Variants in CADM2 observed in about 807,000 individuals in gnomAD.
The protein encoded by CADM2 is immunoglobulin superfamily member 4D.
A neutral mutation model predicts 49.8 loss-of-function variants in CADM2; 12 were observed. That is an observed-to-expected ratio of 0.24 (90% CI 0.15 to 0.39). The LOEUF is 0.39. Among genes scored for constraint, CADM2 ranks in the 10% least tolerant of loss-of-function variants. The pLI is 1.00. For missense variants in CADM2, 378 were observed against 492.3 expected (o/e 0.77, Z 2.20); for synonymous variants, 214 against 175.4 (o/e 1.22, Z -1.74).
chr3:84,986,757 A>G lies in CADM2; in HGVS notation c.61+27089A>G, dbSNP rs570008829. Among the ~76,000 whole-genome samples, 13 of 138,198 alleles carry G rather than the reference A, an allele frequency of 9.4e-5. 1 individual carries two copies. The South Asian group carries it at 3.1e-3, about 33-fold the overall frequency. 90.7% of individuals were successfully genotyped at this position (138,198 alleles called of 152,430 possible). On this transcript the variant is annotated intron_variant, in intron 1 of 9. Transcript: ENST00000383699. The stretch of plus-strand genomic sequence containing the variant: ...ACCCTAAAACTTAAAGTATAATAAT[A>G]ATAAAATAAAAAAAAAAGAAGCATA...
At chr3:86,063,869 GA>G (rs1375929440) in intron 8 of CADM2, among the ~76,000 whole-genome samples, 4 of 152,010 alleles carry the variant, frequency 2.6e-5, no homozygotes, top group Non-Finnish European at 5.9e-5. Context: ...CCGCAACAAT[GA>G]ACCTGGGAGA....
chr3:85,604,808 C>T (rs941822395), intron 1 of CADM2, among the ~76,000 whole-genome samples: 1 of 151,918 alleles, frequency 6.6e-6, no homozygotes, highest in African/African-American at 2.4e-5. Context: ...TGATAGAGGG[C>T]TTAGGGGGAA....
At chr3:85,450,069 G>T (rs1353994539) in intron 1 of CADM2, among the ~76,000 whole-genome samples, 2 of 152,130 alleles carry the variant, frequency 1.3e-5, no homozygotes, top group Non-Finnish European at 2.9e-5. Context: ...CAAAATAAAT[G>T]AGCTGCTTTC....
intron 1 of CADM2, among the ~76,000 whole-genome samples, chr3:85,469,692 T>A (rs919874): frequency 0.08 from 12,219 of 152,172 alleles, 948 homozygotes; most frequent in African/African-American, 0.18. Flanking sequence ...TTATAGGGTA[T>A]CATGCATTAT....
chr3:85,875,295 T>C (rs1711664054), intron 3 of CADM2, among the ~76,000 whole-genome samples: 1 of 152,178 alleles, frequency 6.6e-6, no homozygotes, highest in Admixed American at 6.6e-5. Context: ...CTGATTTTAA[T>C]ATATCCAATA....
At chr3:85,447,836 C>T (rs576391496) in intron 1 of CADM2, among the ~76,000 whole-genome samples, 2 of 152,176 alleles carry the variant, frequency 1.3e-5, no homozygotes, top group East Asian at 3.9e-4. Flanking sequence ...CTGGCCAATG[C>T]TAAAATGTAG....
chr3:85,163,247 G>A (rs2107671383), intron 1 of CADM2, among the ~76,000 whole-genome samples: 1 of 152,164 alleles, frequency 6.6e-6, no homozygotes, highest in South Asian at 2.1e-4. Flanking sequence ...AAGCCTACTA[G>A]CAGGTTATTT....
At chr3:85,637,611 A>ATAAAATAAAATAAAAT (rs1553753395) in intron 1 of CADM2, among the ~76,000 whole-genome samples, 2 of 67,512 alleles carry the variant, frequency 3.0e-5, no homozygotes, top group Non-Finnish European at 6.5e-5. Flanking sequence ...TCCGTCTCAA[A>ATAAAATAAAATAAAAT]AAAAAAAAAA....
At position 86,006,029 on chromosome 3, in the gene CADM2, T is replaced by C. The variant is rs537196278; in HGVS notation, c.970+44382T>C. On this transcript the variant is annotated intron_variant, in intron 8 of 9. Transcript: ENST00000383699. The stretch of plus-strand genomic sequence containing the variant: ...ATAATGATCTCCAGTTCCATCCATG[T>C]TGTTGCAAATGACTGGATCTCATTA... Among the ~76,000 whole-genome samples the C allele has an allele frequency of 2.2e-3, 331 of 152,328 alleles. 1 individual carries two copies. The highest frequency in any genetic ancestry group is 7.6e-3 in the African/African-American group (316 of 41,568).
At chr3:85,387,356 T>C (rs961297290) in intron 1 of CADM2, among the ~76,000 whole-genome samples, 5 of 152,072 alleles carry the variant, frequency 3.3e-5, no homozygotes, top group African/African-American at 4.8e-5. Flanking sequence ...ATACATCTCA[T>C]TAATTCTGTT....
chr3:85,024,666 C>A (rs1576058655), intron 1 of CADM2, among the ~76,000 whole-genome samples: 1 of 146,804 alleles, frequency 6.8e-6, no homozygotes. Flanking sequence ...TATAGTTTTT[C>A]TTTTTTTTTT....
At chr3:85,453,807 T>C (rs770766235) in intron 1 of CADM2, among the ~76,000 whole-genome samples, 1 of 152,176 alleles carries the variant, frequency 6.6e-6, no homozygotes, top group African/African-American at 2.4e-5. Flanking sequence ...TTTTGGAATA[T>C]ATAAAAACTA....
intron 1 of CADM2, among the ~76,000 whole-genome samples, chr3:85,341,923 T>C (rs532754217): frequency 6.6e-6 from 1 of 152,110 alleles, no homozygotes; most frequent in Non-Finnish European, 1.5e-5. Context: ...AAAAAGAAAA[T>C]GGGCAATACC....
intron 1 of CADM2, among the ~76,000 whole-genome samples, chr3:85,141,995 T>C (rs1038407134): frequency 6.6e-6 from 1 of 152,220 alleles, no homozygotes; most frequent in African/African-American, 2.4e-5. Context: ...CTTCACCATG[T>C]GTGGTTTCAA....
chr3:85,527,872 G>C (rs2061203596), intron 1 of CADM2, among the ~76,000 whole-genome samples: 2 of 152,140 alleles, frequency 1.3e-5, no homozygotes, highest in Non-Finnish European at 2.9e-5. Flanking sequence ...TTTCTCCAAA[G>C]AGTAGTATTT....
chr3:85,835,551 C>A (rs1298689914), intron 3 of CADM2, among the ~76,000 whole-genome samples: 1 of 150,912 alleles, frequency 6.6e-6, no homozygotes, highest in Non-Finnish European at 1.5e-5. Context: ...CTTTAGAGAA[C>A]TGTAATGCCT....
At chr3:85,558,214 A>T (rs760040238) in intron 1 of CADM2, among the ~76,000 whole-genome samples, 1 of 151,980 alleles carries the variant, frequency 6.6e-6, no homozygotes, top group Non-Finnish European at 1.5e-5. Context: ...TGCTCATTAG[A>T]TAGAATAAAA....
intron 6 of CADM2, among the ~76,000 whole-genome samples, 195 bp from the exon 7 acceptor site, chr3:85,935,572 G>C (rs1721105959): frequency 6.6e-6 from 1 of 151,910 alleles, no homozygotes; most frequent in African/African-American, 2.4e-5. Context: ...AGATATTTTT[G>C]TTAGCTTTGC....
At chr3:85,922,505 G>A (rs963771386) in intron 6 of CADM2, among the ~76,000 whole-genome samples, 2 of 151,554 alleles carry the variant, frequency 1.3e-5, no homozygotes, top group African/African-American at 2.4e-5. Context: ...CAGAAAAACC[G>A]GACTTTTTAT....
Sources: gnomAD v4.1 joint callset for allele counts (sites outside exome capture counted in the v4.1 genomes callset) on GRCh38, gnomAD v4.1.1 for gene constraint, MANE v1.5 for transcripts, NCBI Gene and HGNC (gene_info 2026-07-23, HGNC 2026-07-21) for gene names.